The following SNTG2 variants were observed in gnomAD, a reference collection of about 807,000 sequenced individuals.
SNTG2 encodes syntrophin gamma 2, also known as gamma-2-syntrophin.
SNTG2 carries 74 observed loss-of-function variants against 70.9 expected under a neutral mutation model. That is an observed-to-expected ratio of 1.04 (90% confidence interval 0.86 to 1.27). The LOEUF (loss-of-function observed/expected upper bound fraction) is 1.27. SNTG2 is among the 50% of genes most tolerant of loss of function. The pLI is 0.00. For missense variants in SNTG2, 717 were observed against 690.7 expected (o/e 1.04, Z -0.43); for synonymous variants, 278 against 273.8 (o/e 1.02, Z -0.15).
At chr2:1,196,296 GACAGGTCTTCTGAAATA>G (rs1253691771) in intron 8 of SNTG2, among the ~76,000 whole-genome samples, 1 of 152,050 alleles carries the variant, frequency 6.6e-6, no homozygotes, top group African/African-American at 2.4e-5. Flanking sequence ...TGAACTTGAA[GACAGGTCTTCTGAAATA>G]ACCCAGTCAG....
At chr2:1,183,168 A>G (rs1277445567) in intron 8 of SNTG2, among the ~76,000 whole-genome samples, 1 of 152,218 alleles carries the variant, frequency 6.6e-6, no homozygotes, top group African/African-American at 2.4e-5. Context: ...TTATGACATT[A>G]TATGCAGCAG....
chr2:1,363,063 A>G (rs1057085184), intron 16 of SNTG2, among the ~76,000 whole-genome samples: 2 of 152,032 alleles, frequency 1.3e-5, no homozygotes, highest in Admixed American at 6.6e-5. Context: ...GAGCATTTCC[A>G]TAGAACTTCC....
chr2:1,228,189 T>C (rs941030106), intron 9 of SNTG2, among the ~76,000 whole-genome samples: 4 of 152,246 alleles, frequency 2.6e-5, no homozygotes, highest in African/African-American at 9.6e-5. Context: ...GTCTGCACTT[T>C]CGAGCTGGCG....
rs562739655 is a variant in SNTG2, at chr2:1,316,789, G to A, written c.1488+414G>A. Among the ~76,000 whole-genome samples, 2 of 101,404 alleles carry A rather than the reference G, an allele frequency of 2.0e-5. 1 individual carries two copies. The highest frequency in any genetic ancestry group is 6.8e-4 in the South Asian group (2 of 2,936). The allele number at this position is 101,404 out of a possible 152,430, so 66.5% of individuals were successfully genotyped here. A position where few individuals can be genotyped will look rare whatever the true frequency, so the allele number is the denominator to read the frequency against. ...TGGGATTCTGGAACATTTAGCATCA[G>A]GTCAGCATTGGAGAAGGTTGGGATT... On this transcript the variant is annotated intron_variant, in intron 16 of 16. Coordinates refer to ENST00000308624, the MANE Select transcript of SNTG2 (RefSeq NM_018968.4).
At chr2:955,019 T>C (rs1368088827) in intron 1 of SNTG2, among the ~76,000 whole-genome samples, 2 of 152,240 alleles carry the variant, frequency 1.3e-5, no homozygotes, top group Admixed American at 1.3e-4. Flanking sequence ...AGTATGCTTC[T>C]TATTTAGGGG....
chr2:982,184 T>G (rs2147968104), intron 1 of SNTG2, among the ~76,000 whole-genome samples: 1 of 152,376 alleles, frequency 6.6e-6, no homozygotes, highest in Non-Finnish European at 1.5e-5. Context: ...GGCAAAGCCC[T>G]AAATAGAATC....
At chr2:1,176,189 A>G (rs1030460040) in intron 8 of SNTG2, among the ~76,000 whole-genome samples, 4 of 152,218 alleles carry the variant, frequency 2.6e-5, no homozygotes, top group Non-Finnish European at 5.9e-5. Flanking sequence ...AGAATAAAGC[A>G]TCATCAGGTT....
chr2:1,319,972 A>G (rs1178623780), intron 16 of SNTG2, among the ~76,000 whole-genome samples: 1 of 152,216 alleles, frequency 6.6e-6, no homozygotes, highest in African/African-American at 2.4e-5. Flanking sequence ...AGAAATAGGA[A>G]CATTTTATTA....
At chr2:1,155,017 T>C (rs1669773731) in intron 6 of SNTG2, among the ~76,000 whole-genome samples, 2 of 135,948 alleles carry the variant, frequency 1.5e-5, no homozygotes, top group Admixed American at 1.5e-4. Flanking sequence ...CAACACATAG[T>C]CATACACCAC....
In SNTG2 at chr2:1,316,382, G is replaced by C; in HGVS notation, c.1488+7G>C. On this transcript the variant is annotated splice_region_variant and intron_variant, in intron 16 of 16. Transcript: ENST00000308624. ...CAAACAGATTGAGACGAAGGTATGC[G>C]GCATGGGGCATGGGTTATTCTGCCA... 7.3e-7 allele frequency: 1 copy of C among 1,375,602 alleles called. No individual in the cohort carries two copies. The highest frequency in any genetic ancestry group is 1.0e-6 in the Non-Finnish European group (1 of 988,162). The allele number at this position is 1,375,602 out of a possible 1,614,324, so 85.2% of individuals were successfully genotyped here. A position where few individuals can be genotyped will look rare whatever the true frequency, so the allele number is the denominator to read the frequency against.
At chr2:1,322,867 T>G (rs1360163218) in intron 16 of SNTG2, among the ~76,000 whole-genome samples, 3 of 151,996 alleles carry the variant, frequency 2.0e-5, no homozygotes, top group Non-Finnish European at 4.4e-5. Flanking sequence ...TTCATGAATA[T>G]CCCACCCTCC....
intron 11 of SNTG2, among the ~76,000 whole-genome samples, chr2:1,243,128 C>T (rs1227877938): frequency 6.6e-6 from 1 of 152,360 alleles, no homozygotes; most frequent in African/African-American, 2.4e-5. Context: ...TAATTAAGCT[C>T]ATGCAACTAA....
In SNTG2 at chr2:1,066,594, C is replaced by T. The variant is rs1180630174; in HGVS notation, c.73-16924C>T. Among the ~76,000 whole-genome samples, 10 of 152,120 alleles carry T rather than the reference C, an allele frequency of 6.6e-5. No homozygotes were observed. In the South Asian group the frequency reaches 1.9e-3, roughly 29 times the overall value. ...GGAAGTGCTTTGGAGCTTCTTGATCCAGCCACTGAGCTGGTCATCACTGGT... is the reference window on the plus strand; with the variant it reads ...GGAAGTGCTTTGGAGCTTCTTGATCTAGCCACTGAGCTGGTCATCACTGGT... On this transcript the variant is annotated intron_variant, in intron 1 of 16. Transcript: ENST00000308624.
At position 1,119,496 on chromosome 2, in the gene SNTG2, A is replaced by G. The variant is rs553377751; in HGVS notation, c.326-18126A>G. On this transcript the variant is annotated intron_variant, in intron 4 of 16. Transcript: ENST00000308624. Reference sequence around the variant, plus strand: ...ACTTTTTAAGGTATACACAATGTCAAAAGATGCAAATCGTGACATCAAGAA... The same window carrying G: ...ACTTTTTAAGGTATACACAATGTCAGAAGATGCAAATCGTGACATCAAGAA... 1.4e-4 allele frequency among the ~76,000 whole-genome samples: 22 copies of G among 152,328 alleles called. No individual in the cohort carries two copies. The East Asian group carries it at 2.3e-3, about 16-fold the overall frequency.
At chr2:1,341,895 G>C (rs966612847) in intron 16 of SNTG2, among the ~76,000 whole-genome samples, 2 of 147,386 alleles carry the variant, frequency 1.4e-5, no homozygotes, top group Non-Finnish European at 3.0e-5. Context: ...GCCCAGGCTA[G>C]AGTGCAGTGG....
intron 6 of SNTG2, among the ~76,000 whole-genome samples, chr2:1,138,947 A>G (rs138648381): frequency 1.2e-4 from 18 of 152,312 alleles, no homozygotes; most frequent in Non-Finnish European, 2.4e-4. Flanking sequence ...ATCACTTCCT[A>G]CACGCTCACT....
chr2:1,000,153 A>T (rs1661820035), intron 1 of SNTG2, among the ~76,000 whole-genome samples: 1 of 151,950 alleles, frequency 6.6e-6, no homozygotes, highest in African/African-American at 2.4e-5. Flanking sequence ...ATGAAGCTTT[A>T]TAGCATTAAA....
At chr2:1,217,127 T>TA (rs892775583) in intron 9 of SNTG2, among the ~76,000 whole-genome samples, 136 of 149,402 alleles carry the variant, frequency 9.1e-4, no homozygotes, top group East Asian at 3.7e-3. Context: ...GTTCTTTTTT[T>TA]AAAAAAAAAA....
chr2:1,147,676 G>GTCACCAAGAAA (rs1669189330), intron 6 of SNTG2, among the ~76,000 whole-genome samples: 1 of 152,152 alleles, frequency 6.6e-6, no homozygotes, highest in Admixed American at 6.6e-5. Flanking sequence ...CCCAAGTATG[G>GTCACCAAGAAA]GGGGTAAGAG....
Sources: gnomAD v4.1 joint callset for allele counts (sites outside exome capture counted in the v4.1 genomes callset) on GRCh38, gnomAD v4.1.1 for gene constraint, MANE v1.5 for transcripts, NCBI Gene and HGNC (gene_info 2026-07-23, HGNC 2026-07-21) for gene names.